DPYD: variants seen among roughly 807,000 people sequenced by gnomAD.
The protein encoded by DPYD is dihydropyrimidine dehydrogenase [NADP(+)].
DPYD carries 109 observed loss-of-function variants against 116.2 expected under a neutral mutation model. The observed-to-expected ratio is 0.94, with a 90% confidence interval of 0.80 to 1.10. The LOEUF is 1.10. DPYD is among the 50% of genes least tolerant of loss of function. The probability of loss-of-function intolerance (pLI) is 0.00; values close to 1 mark genes in which losing one functional copy is unlikely to be tolerated. For synonymous variants in DPYD, 440 were observed against 432.0 expected (o/e 1.02, Z -0.23); for missense variants, 1,302 against 1,254.5 (o/e 1.04, Z -0.57).
chr1:97,834,785 T>A (rs1174602230), intron 2 of DPYD, among the ~76,000 whole-genome samples: 1 of 151,888 alleles, frequency 6.6e-6, no homozygotes, highest in Non-Finnish European at 1.5e-5. Flanking sequence ...ATGAGTCAAT[T>A]AGGTGAACTT....
chr1:97,529,814 T>C (rs1017836487), intron 12 of DPYD, among the ~76,000 whole-genome samples: 1 of 151,420 alleles, frequency 6.6e-6, no homozygotes, highest in Non-Finnish European at 1.5e-5. Context: ...CTTTCTTTCC[T>C]TTCCTTTTCT....
intron 4 of DPYD, among the ~76,000 whole-genome samples, chr1:97,730,053 C>G: frequency 6.6e-6 from 1 of 152,052 alleles, no homozygotes. Context: ...TGTACAACAG[C>G]CTTTTGATGA....
At chr1:97,379,922 G>A (rs530940840) in intron 15 of DPYD, among the ~76,000 whole-genome samples, 68 of 152,270 alleles carry the variant, frequency 4.5e-4, no homozygotes, top group Non-Finnish European at 3.5e-4. Flanking sequence ...CTGAGCAATT[G>A]GCTCCATTTC....
At chr1:97,197,846 A>G (rs777898265) in intron 19 of DPYD, among the ~76,000 whole-genome samples, 25 of 152,216 alleles carry the variant, frequency 1.6e-4, no homozygotes, top group Non-Finnish European at 3.2e-4. Flanking sequence ...CAAGATACTT[A>G]CTGAGCAAGA....
chr1:97,869,062 A>C (rs1189931425), intron 2 of DPYD, among the ~76,000 whole-genome samples: 1 of 151,756 alleles, frequency 6.6e-6, no homozygotes, highest in Non-Finnish European at 1.5e-5. Flanking sequence ...TTTTCAGTAC[A>C]TGTTGCAAGT....
intron 19 of DPYD, among the ~76,000 whole-genome samples, chr1:97,205,583 A>G (rs1436314217): frequency 1.3e-5 from 2 of 152,268 alleles, no homozygotes. Context: ...ATTTTTCTAT[A>G]TAGCCAAATA....
At chr1:97,308,305 TAATTTGACCCTCCATGAGTA>T (rs545285210) in intron 16 of DPYD, 3 of 151,766 alleles carry the variant, frequency 2.0e-5, no homozygotes, top group East Asian at 1.9e-4. Flanking sequence ...TGAGATACCA[TAATTTGACCCTCCATGAGTA>T]AATTTGACCC....
chr1:97,883,878 T>C (rs764561778), intron 1 of DPYD: 9 of 460,136 alleles, frequency 2.0e-5, no homozygotes, highest in Non-Finnish European at 2.9e-5. Context: ...GACCCCAAAT[T>C]TGCAAGATTG....
chr1:97,406,942 T>G (rs1226727219), intron 14 of DPYD, among the ~76,000 whole-genome samples: 1 of 152,170 alleles, frequency 6.6e-6, no homozygotes, highest in Non-Finnish European at 1.5e-5. Context: ...TTCTTTGCTT[T>G]TATTTAAAAG....
At chr1:97,895,274 A>G (rs1399783682) in intron 1 of DPYD, among the ~76,000 whole-genome samples, 1 of 151,782 alleles carries the variant, frequency 6.6e-6, no homozygotes, top group Non-Finnish European at 1.5e-5. Flanking sequence ...TGCTCACAAG[A>G]CCAAGGGTTA....
intron 1 of DPYD, among the ~76,000 whole-genome samples, chr1:97,896,902 C>G (rs911457015): frequency 6.6e-5 from 10 of 151,884 alleles, no homozygotes; most frequent in Non-Finnish European, 1.5e-5. Context: ...AAACCCCATA[C>G]TTTACTGTTT....
chr1:97,425,120 T>C (rs573978547), intron 14 of DPYD, among the ~76,000 whole-genome samples: 54 of 152,218 alleles, frequency 3.5e-4, no homozygotes, highest in African/African-American at 1.2e-3. Flanking sequence ...TTAATTAATT[T>C]GAAATCTCCA....
chr1:97,673,458 T>A (rs1477787511), intron 8 of DPYD, among the ~76,000 whole-genome samples: 1 of 152,142 alleles, frequency 6.6e-6, no homozygotes, highest in African/African-American at 2.4e-5. Context: ...AAATTTACTT[T>A]ATTTTGGAAA....
At chr1:97,323,591 TAC>T (rs1668521359) in intron 16 of DPYD, among the ~76,000 whole-genome samples, 1 of 83,342 alleles carries the variant, frequency 1.2e-5, no homozygotes, top group Admixed American at 1.2e-4. Flanking sequence ...ATATCATATA[TAC>T]ATATATGTGT....
intron 3 of DPYD, among the ~76,000 whole-genome samples, chr1:97,754,407 A>T (rs1342296491): frequency 6.6e-6 from 1 of 152,204 alleles, no homozygotes; most frequent in Non-Finnish European, 1.5e-5. Context: ...TAGTTTTGTA[A>T]AAATGGAAAA....
intron 3 of DPYD, among the ~76,000 whole-genome samples, chr1:97,801,540 A>C (rs76086894): frequency 0.014 from 2,138 of 152,010 alleles, 89 homozygotes; most frequent in East Asian, 0.13. Flanking sequence ...CAGAAGAAAA[A>C]TAAATTAGAA....
intron 16 of DPYD, among the ~76,000 whole-genome samples, chr1:97,368,487 T>C (rs767529115): frequency 1.3e-5 from 2 of 152,190 alleles, no homozygotes; most frequent in African/African-American, 2.4e-5. Context: ...ATGACTAGCA[T>C]TGAGAAGTCC....
intron 1 of DPYD, among the ~76,000 whole-genome samples, chr1:97,890,316 C>T (rs1672714087): frequency 6.6e-6 from 1 of 151,948 alleles, no homozygotes; most frequent in African/African-American, 2.4e-5. Context: ...ATTCTACATT[C>T]AGTCGATTTA....
chr1:97,869,306 A>C (rs1041765058), intron 2 of DPYD, among the ~76,000 whole-genome samples: 1 of 151,798 alleles, frequency 6.6e-6, no homozygotes, highest in South Asian at 2.1e-4. Context: ...AGGTACCTTC[A>C]GAAGTATACA....
Sources: gnomAD v4.1 joint callset for allele counts (sites outside exome capture counted in the v4.1 genomes callset) on GRCh38, gnomAD v4.1.1 for gene constraint, MANE v1.5 for transcripts, NCBI Gene and HGNC (gene_info 2026-07-23, HGNC 2026-07-21) for gene names.